The following KIRREL3 variants were observed in gnomAD, a reference collection of about 807,000 sequenced individuals.
KIRREL3 encodes kirre like nephrin family adhesion molecule 3.
In KIRREL3, 36 loss-of-function variants were observed where a neutral mutation model predicts 89.7. The observed-to-expected ratio is 0.40, with a 90% CI of 0.31 to 0.53. The LOEUF (loss-of-function observed/expected upper bound fraction) is 0.53, where lower values mean the gene tolerates loss of function less well. KIRREL3 is among the 20% of genes least tolerant of loss of function. The pLI is 0.49. For missense variants in KIRREL3, 864 were observed against 1,056.6 expected, an observed-to-expected ratio of 0.82 and a Z score of 2.53; for synonymous variants, 445 against 441.4, an observed-to-expected ratio of 1.01 and a Z score of -0.10.
intron 1 of KIRREL3, among the ~76,000 whole-genome samples, chr11:126,616,626 T>G (rs1943363743): frequency 6.6e-6 from 1 of 152,242 alleles, no homozygotes; most frequent in African/African-American, 2.4e-5. Context: ...ATGAGAAGAC[T>G]GAGGCTCACA....
chr11:126,902,842 TCACA>T (rs145702515), intron 1 of KIRREL3, among the ~76,000 whole-genome samples: 4,558 of 152,300 alleles, frequency 0.03, 231 homozygotes, highest in African/African-American at 0.1. Flanking sequence ...TGTGTTTTAA[TCACA>T]TTTCCTTCTG....
chr11:126,456,477 T>C, intron 6 of KIRREL3, 23 bp from the exon 7 acceptor site: 3 of 1,472,986 alleles, frequency 2.0e-6, no homozygotes, highest in Non-Finnish European at 2.8e-6. Flanking sequence ...GAGAGTCACT[T>C]GTAGACCGGA....
rs1947068475 is a variant in KIRREL3 at position 126,917,020 on chromosome 11, A to G, written c.55+83435T>C. On this transcript the variant is annotated intron_variant, in intron 1 of 16. Transcript: ENST00000525144. This position sits in a 1 kb window ranked among gnomAD's most constrained non-coding sequence, Gnocchi z 5.0. ...CTTGTACACCAATGTTCATTGCAGCAGTATTCATAATAACCAAAAAGTAGA... is the reference window on the plus strand; with the variant it reads ...CTTGTACACCAATGTTCATTGCAGCGGTATTCATAATAACCAAAAAGTAGA... Among the ~76,000 whole-genome samples the G allele has an allele frequency of 6.6e-6, 1 of 152,238 alleles. No homozygotes were observed.
intron 2 of KIRREL3, among the ~76,000 whole-genome samples, chr11:126,536,970 T>C (rs1419575030): frequency 6.6e-6 from 1 of 152,072 alleles, no homozygotes; most frequent in African/African-American, 2.4e-5. Context: ...TTTCCATCCA[T>C]GCTTGGAGGC....
At chr11:126,451,030 T>C (rs1465780793) in intron 7 of KIRREL3, among the ~76,000 whole-genome samples, 1 of 150,904 alleles carries the variant, frequency 6.6e-6, no homozygotes, top group African/African-American at 2.4e-5. Context: ...TCCATGTGCA[T>C]GTGTACATGT....
rs1943286174 is a variant in KIRREL3 at position 126,615,027 on chromosome 11, G to A, written c.56-52115C>T. Among the ~76,000 whole-genome samples the A allele has an allele frequency of 6.6e-6, 1 of 152,158 alleles. No homozygotes were observed. The highest frequency in any genetic ancestry group is 6.5e-5 in the Admixed American group (1 of 15,270). ...AGGCGTGATTTGCGGTCTTCAAGAG[G>A]CTGAAAGGCTGTCATGTGGAAGAGG... On this transcript the variant is annotated intron_variant, in intron 1 of 16. Coordinates refer to ENST00000525144, the MANE Select transcript of KIRREL3 (RefSeq NM_032531.4). The surrounding 1 kb of genome is among the most constrained non-coding windows in gnomAD (Gnocchi z 5.4).
chr11:126,456,653 C>G (rs1001394705), intron 6 of KIRREL3, among the ~76,000 whole-genome samples, 199 bp from the exon 7 acceptor site: 4 of 152,302 alleles, frequency 2.6e-5, no homozygotes, highest in Admixed American at 2.0e-4. Flanking sequence ...ACAGGGCCTC[C>G]CCGTGGACTT....
In KIRREL3 at chr11:126,492,140, G is replaced by A. The variant is rs1957535679; in HGVS notation, c.434-18674C>T. ...AATGGACAAAAGGATAAGTTGCAGAGGGCCACCGAGGAACTGGGAGGATGA... is the reference window on the plus strand; with the variant it reads ...AATGGACAAAAGGATAAGTTGCAGAAGGCCACCGAGGAACTGGGAGGATGA... On this transcript the variant is annotated intron_variant, in intron 4 of 16. Coordinates refer to ENST00000525144, the MANE Select transcript of KIRREL3 (RefSeq NM_032531.4). The surrounding 1 kb of genome is among the most constrained non-coding windows in gnomAD (Gnocchi z 4.8). Among the ~76,000 whole-genome samples the A allele has an allele frequency of 6.6e-6, 1 of 152,212 alleles. No individual in the cohort carries two copies.
At chr11:126,921,682 A>C (rs774537918) in intron 1 of KIRREL3, among the ~76,000 whole-genome samples, 2 of 147,362 alleles carry the variant, frequency 1.4e-5, no homozygotes, top group African/African-American at 2.5e-5. Context: ...TCTGTAATCT[A>C]TCTATCTGTC....
intron 4 of KIRREL3, among the ~76,000 whole-genome samples, chr11:126,493,331 C>T (rs1351126153): frequency 2.6e-5 from 4 of 152,064 alleles, no homozygotes; most frequent in Non-Finnish European, 5.9e-5. Context: ...ACCATCCTGG[C>T]TAACACGGTG....
Position 126,940,162 on chromosome 11 carries a change from A to G in KIRREL3, c.55+60293T>C, listed in dbSNP as rs1484986212. 2.0e-5 allele frequency among the ~76,000 whole-genome samples: 3 copies of G among 152,230 alleles called. No homozygotes were observed. The highest frequency in any genetic ancestry group is 2.0e-4 in the Admixed American group (3 of 15,288). On this transcript the variant is annotated intron_variant, in intron 1 of 16. Transcript: ENST00000525144. This position sits in a 1 kb window ranked among gnomAD's most constrained non-coding sequence, Gnocchi z 4.6. Reference sequence around the variant, plus strand: ...CACAGGCAGGTCAGAATGCCCTAGCACTTCCACAAACAGCCTGCTCTCAAA... The same window carrying G: ...CACAGGCAGGTCAGAATGCCCTAGCGCTTCCACAAACAGCCTGCTCTCAAA...
rs920382393 is a variant in KIRREL3, at chr11:126,544,502, G to A, written c.134-17815C>T. Among the ~76,000 whole-genome samples the A allele has an allele frequency of 1.3e-5, 2 of 152,182 alleles. No individual in the cohort carries two copies. Among genetic ancestry groups the A allele is most frequent in the Non-Finnish European group, 2.9e-5 (2 of 68,036 alleles). On this transcript the variant is annotated intron_variant, in intron 2 of 16. Coordinates refer to ENST00000525144, the MANE Select transcript of KIRREL3 (RefSeq NM_032531.4). This position sits in a 1 kb window ranked among gnomAD's most constrained non-coding sequence, Gnocchi z 5.6. Reference sequence around the variant, plus strand: ...TGCTTCCTTCCCTTGATTTATTGCAGGATGATAGGTCTGGGACTGGGGGTG... The same window carrying A: ...TGCTTCCTTCCCTTGATTTATTGCAAGATGATAGGTCTGGGACTGGGGGTG...
rs1002938915 is a variant in KIRREL3 at position 126,843,426 on chromosome 11, C to G, written c.55+157029G>C. Among the ~76,000 whole-genome samples, 2 of 152,056 alleles carry G rather than the reference C, an allele frequency of 1.3e-5. No individual in the cohort carries two copies. The highest frequency in any genetic ancestry group is 2.9e-5 in the Non-Finnish European group (2 of 68,000). On this transcript the variant is annotated intron_variant, in intron 1 of 16. Transcript: ENST00000525144. This position sits in a 1 kb window ranked among gnomAD's most constrained non-coding sequence, Gnocchi z 4.6. ...GAGTGGGTGAGCTCACTCACTCTGC[C>G]GTATATCCTACTGGGGAGAAACTCC...
At chr11:126,467,091 C>A (rs1045742941) in intron 5 of KIRREL3, among the ~76,000 whole-genome samples, 1 of 152,250 alleles carries the variant, frequency 6.6e-6, no homozygotes, top group African/African-American at 2.4e-5. Context: ...CGGGAACGAG[C>A]GTGCCAGGGC....
rs1950026653 is a variant in KIRREL3 at position 126,991,241 on chromosome 11, G to T, written c.55+9214C>A. 6.6e-6 allele frequency among the ~76,000 whole-genome samples: 1 copy of T among 152,112 alleles called. No individual in the cohort carries two copies. The highest frequency in any genetic ancestry group is 1.5e-5 in the Non-Finnish European group (1 of 68,022). ...GCACGTCCACACTTCACTTAGTCAG[G>T]TTCTTCTTCTGCCTCCTGCCAGGGG... On this transcript the variant is annotated intron_variant, in intron 1 of 16. Coordinates refer to ENST00000525144, the MANE Select transcript of KIRREL3 (RefSeq NM_032531.4). This position sits in a 1 kb window ranked among gnomAD's most constrained non-coding sequence, Gnocchi z 5.8.
chr11:126,626,335 T>G (rs1189240705), intron 1 of KIRREL3, among the ~76,000 whole-genome samples: 1 of 152,230 alleles, frequency 6.6e-6, no homozygotes, highest in Non-Finnish European at 1.5e-5. Flanking sequence ...AAACAGAGTC[T>G]GACATTCTAA....
At chr11:126,815,265 G>A (rs1444599824) in intron 1 of KIRREL3, among the ~76,000 whole-genome samples, 2 of 152,186 alleles carry the variant, frequency 1.3e-5, no homozygotes, top group South Asian at 2.1e-4. Context: ...ATCAAGAGAT[G>A]ACTTGGCTCT....
chr11:126,863,801 G>C (rs552643919), intron 1 of KIRREL3, among the ~76,000 whole-genome samples: 85 of 152,276 alleles, frequency 5.6e-4, no homozygotes, highest in South Asian at 5.2e-3. Flanking sequence ...GATTTTACAG[G>C]CTTCTGGGGA....
In KIRREL3 at chr11:126,805,016, G is replaced by C. The variant is rs553775837; in HGVS notation, c.55+195439C>G. Among the ~76,000 whole-genome samples, 2 of 152,324 alleles carry C rather than the reference G, an allele frequency of 1.3e-5. No homozygotes were observed. The highest frequency in any genetic ancestry group is 4.1e-4 in the South Asian group (2 of 4,822). On this transcript the variant is annotated intron_variant, in intron 1 of 16. Coordinates refer to ENST00000525144, the MANE Select transcript of KIRREL3 (RefSeq NM_032531.4). The surrounding 1 kb of genome is among the most constrained non-coding windows in gnomAD (Gnocchi z 4.3). ...TATGAGGAGATTAAGATTCAGAAAA[G>C]TTGGCTTATCATTTAAGGAGCACAG...
Sources: allele counts gnomAD v4.1 joint callset (sites outside exome capture counted in the v4.1 genomes callset), GRCh38; gene constraint gnomAD v4.1.1; non-coding constraint Gnocchi (gnomAD v3.1); transcripts MANE v1.5; gene names NCBI Gene and HGNC (gene_info 2026-07-23, HGNC 2026-07-21).